The following RABGEF1 variants were observed in gnomAD, a reference collection of about 807,000 sequenced individuals.
The protein encoded by RABGEF1 is rab5 GDP/GTP exchange factor.
RABGEF1 carries 26 observed loss-of-function variants against 57.3 expected under a neutral mutation model. That is an observed-to-expected ratio of 0.45 (90% confidence interval 0.33 to 0.63). The LOEUF (loss-of-function observed/expected upper bound fraction) is 0.63, where lower values mean the gene tolerates loss of function less well. Ranked by LOEUF, RABGEF1 falls within the 20% of genes least tolerant of loss-of-function variation. The pLI, the probability that RABGEF1 is intolerant of heterozygous loss-of-function variation, is 0.02. For synonymous variants in RABGEF1, 185 were observed against 210.7 expected, an observed-to-expected ratio of 0.88 and a Z score of 1.06; for missense variants, 464 against 607.6, an observed-to-expected ratio of 0.76 and a Z score of 2.48.
chr7:66,729,668 C>G (rs921473648), intron 2 of RABGEF1, among the ~76,000 whole-genome samples: 1 of 152,232 alleles, frequency 6.6e-6, no homozygotes, highest in Admixed American at 6.5e-5. Context: ...ACCATCATCA[C>G]TGCCACCATC....
intron 1 of RABGEF1, among the ~76,000 whole-genome samples, chr7:66,687,266 A>C (rs568355898): frequency 6.6e-6 from 1 of 151,778 alleles, no homozygotes; most frequent in African/African-American, 2.4e-5. Context: ...GTGGGATTAC[A>C]GGCATGCACC....
chr7:66,655,539 T>C, the RABGEF1 span, among the ~76,000 whole-genome samples: 1 of 152,214 alleles, frequency 6.6e-6, no homozygotes, highest in East Asian at 1.9e-4. Context: ...TTTGTTTTTC[T>C]TTATTATATT....
At chr7:66,701,517 T>TC (rs1584769470) in intron 1 of RABGEF1, among the ~76,000 whole-genome samples, 1 of 149,164 alleles carries the variant, frequency 6.7e-6, no homozygotes. Context: ...TTTTTTTTTT[T>TC]AATTTTTTGA....
intron 1 of RABGEF1, among the ~76,000 whole-genome samples, chr7:66,744,380 A>AG (rs1041778364): frequency 2.0e-5 from 3 of 151,916 alleles, no homozygotes; most frequent in African/African-American, 7.3e-5. Flanking sequence ...AAAAAAAAAA[A>AG]AAAGATAGCC....
chr7:66,666,400 C>T, the RABGEF1 span: 1 of 152,224 alleles, frequency 6.6e-6, no homozygotes, highest in African/African-American at 2.4e-5. Context: ...GAGAGACAGC[C>T]CCCTCTTAGC....
intron 4 of RABGEF1, among the ~76,000 whole-genome samples, chr7:66,791,159 G>C (rs150613109): frequency 1.6e-3 from 238 of 152,288 alleles, no homozygotes; most frequent in African/African-American, 5.5e-3. Flanking sequence ...TAAAAATGAC[G>C]GATTTCTGGC....
intron 2 of RABGEF1, among the ~76,000 whole-genome samples, chr7:66,718,778 T>C (rs1347708495): frequency 2.0e-5 from 3 of 152,196 alleles, no homozygotes; most frequent in African/African-American, 7.2e-5. Context: ...TAGGATCAAA[T>C]GCACACACAT....
chr7:66,673,887 G>T, the RABGEF1 span, among the ~76,000 whole-genome samples: 1 of 151,678 alleles, frequency 6.6e-6, no homozygotes, highest in Admixed American at 6.6e-5. Flanking sequence ...TCTTAAAAAA[G>T]AAGAAAAAAA....
chr7:66,735,554 A>G (rs771152517), intron 2 of RABGEF1, among the ~76,000 whole-genome samples: 2 of 152,166 alleles, frequency 1.3e-5, no homozygotes, highest in African/African-American at 2.4e-5. Flanking sequence ...TGTAATCCCT[A>G]AAGTTGGAGG....
the RABGEF1 span, among the ~76,000 whole-genome samples, chr7:66,669,451 G>C: frequency 6.6e-6 from 1 of 152,164 alleles, no homozygotes; most frequent in South Asian, 2.1e-4. Flanking sequence ...GCTTTGTTAA[G>C]GTTGCTGTGG....
At chr7:66,672,721 C>T in the RABGEF1 span, among the ~76,000 whole-genome samples, 2 of 152,088 alleles carry the variant, frequency 1.3e-5, no homozygotes, top group African/African-American at 2.4e-5. Flanking sequence ...AACTCTCCAA[C>T]CACTACATCT....
intron 2 of RABGEF1, among the ~76,000 whole-genome samples, chr7:66,721,612 C>T (rs536697908): frequency 9.3e-4 from 141 of 152,304 alleles, no homozygotes; most frequent in Non-Finnish European, 1.8e-3. Flanking sequence ...TGCCTCCCCC[C>T]TTATGAGAAA....
At chr7:66,766,788 G>A (rs1470115963) in intron 1 of RABGEF1, among the ~76,000 whole-genome samples, 9 of 151,772 alleles carry the variant, frequency 5.9e-5, no homozygotes, top group African/African-American at 2.2e-4. Context: ...GCAGTGGTGC[G>A]ATCTCGGCTT....
intron 3 of RABGEF1, among the ~76,000 whole-genome samples, chr7:66,780,800 G>C (rs1809709931): frequency 6.6e-6 from 1 of 151,940 alleles, no homozygotes; most frequent in Non-Finnish European, 1.5e-5. Context: ...CCCCTTTTTT[G>C]TTCTTGGTAA....
At chr7:66,661,678 A>G in the RABGEF1 span, among the ~76,000 whole-genome samples, 36 of 152,250 alleles carry the variant, frequency 2.4e-4, no homozygotes, top group South Asian at 3.3e-3. Context: ...TTACCAGTCA[A>G]TTCTACCAGA....
intron 1 of RABGEF1, among the ~76,000 whole-genome samples, chr7:66,705,513 G>T (rs2117310214): frequency 6.6e-6 from 1 of 150,686 alleles, no homozygotes; most frequent in African/African-American, 2.4e-5. Flanking sequence ...GGAAGCAGAG[G>T]AGGAGGAGGA....
the RABGEF1 span, among the ~76,000 whole-genome samples, chr7:66,655,980 G>T: frequency 6.6e-6 from 1 of 152,198 alleles, no homozygotes; most frequent in Non-Finnish European, 1.5e-5. Flanking sequence ...CATTTAGGCC[G>T]TGCTGTCGGG....
intron 1 of RABGEF1, among the ~76,000 whole-genome samples, chr7:66,761,801 C>T (rs781465645): frequency 6.6e-6 from 1 of 152,008 alleles, no homozygotes; most frequent in South Asian, 2.1e-4. Context: ...CCTGTAATCC[C>T]GCACTTTGGG....
chr7:66,654,820 A>C, the RABGEF1 span, among the ~76,000 whole-genome samples: 1 of 152,176 alleles, frequency 6.6e-6, no homozygotes, highest in African/African-American at 2.4e-5. Flanking sequence ...TCCCAGTTCC[A>C]GGCCGCCCTC....
Sources: gnomAD v4.1 joint callset for allele counts (sites outside exome capture counted in the v4.1 genomes callset) on GRCh38, gnomAD v4.1.1 for gene constraint, MANE v1.5 for transcripts, NCBI Gene and HGNC (gene_info 2026-07-23, HGNC 2026-07-21) for gene names.